RERE: variants seen among roughly 807,000 people sequenced by gnomAD.
RERE encodes arginine-glutamic acid dipeptide repeats protein.
Under a neutral mutation model 146.1 loss-of-function variants are expected in RERE, and 40 were observed. The observed-to-expected ratio is 0.27, with a 90% CI of 0.21 to 0.36. RERE has a LOEUF of 0.36. Ranked by LOEUF, RERE falls within the 10% of genes least tolerant of loss-of-function variation. The probability of loss-of-function intolerance (pLI) is 1.00; values close to 1 mark genes in which losing one functional copy is unlikely to be tolerated. For synonymous variants in RERE, 1,003 were observed against 866.0 expected, an observed-to-expected ratio of 1.16 and a Z score of -2.78; for missense variants, 1,933 against 2,138.7, an observed-to-expected ratio of 0.90 and a Z score of 1.90.
intron 12 of RERE, among the ~76,000 whole-genome samples, chr1:8,398,401 T>G (rs1643130917): frequency 6.6e-6 from 1 of 152,104 alleles, no homozygotes; most frequent in Admixed American, 6.5e-5. Flanking sequence ...GGGTTGGTTC[T>G]CACCATCTCC....
chr1:8,642,034 C>T (rs1448345103), intron 2 of RERE, among the ~76,000 whole-genome samples: 2 of 152,028 alleles, frequency 1.3e-5, no homozygotes, highest in African/African-American at 2.4e-5. Flanking sequence ...TCAAAAGTAT[C>T]GTATTAACAT....
chr1:8,533,918 T>C (rs1645690442), intron 7 of RERE, among the ~76,000 whole-genome samples: 1 of 152,266 alleles, frequency 6.6e-6, no homozygotes, highest in African/African-American at 2.4e-5. Context: ...TCCTGTTTTA[T>C]TAAAGTTATC....
intron 4 of RERE, among the ~76,000 whole-genome samples, chr1:8,601,511 G>C (rs1324304468): frequency 2.0e-5 from 3 of 151,976 alleles, no homozygotes; most frequent in African/African-American, 7.3e-5. Flanking sequence ...GAGAGTGGGA[G>C]GTGGGAGCAA....
intron 12 of RERE, among the ~76,000 whole-genome samples, chr1:8,386,899 A>G (rs1420941886): frequency 6.6e-6 from 1 of 152,218 alleles, no homozygotes; most frequent in Non-Finnish European, 1.5e-5. Flanking sequence ...GACTTCACAA[A>G]TAGAAAAAAG....
chr1:8,720,739 A>G lies in RERE; in HGVS notation c.-144-64298T>C, dbSNP rs539341205. Reference sequence around the variant, plus strand: ...ACATCCCAAAATACGTTACTTGTACATGAAACATCCAGGCTCCATTAAAAT... The same window carrying G: ...ACATCCCAAAATACGTTACTTGTACGTGAAACATCCAGGCTCCATTAAAAT... On this transcript the variant is annotated intron_variant, in intron 1 of 22. Transcript: ENST00000400908. Among the ~76,000 whole-genome samples the G allele has an allele frequency of 4.6e-5, 7 of 152,322 alleles. No individual in the cohort carries two copies. In the South Asian group the frequency reaches 1.5e-3, roughly 32 times the overall value.
rs192180539 is a variant in RERE at position 8,720,461 on chromosome 1, T to C, written c.-144-64020A>G. The stretch of plus-strand genomic sequence containing the variant: ...AGAAAAAAAAGTAGAGCAAGAAGGA[T>C]TAAACATATGCAGAGGGTAGGTACC... On this transcript the variant is annotated intron_variant, in intron 1 of 22. Transcript: ENST00000400908. Among the ~76,000 whole-genome samples, 22 of 151,470 alleles carry C rather than the reference T, an allele frequency of 1.5e-4. No individual in the cohort carries two copies. In the East Asian group the frequency reaches 4.1e-3, roughly 28 times the overall value.
chr1:8,798,666 TGAA>T (rs1253786793), intron 1 of RERE: 1 of 210,584 alleles, frequency 4.7e-6, no homozygotes, highest in Non-Finnish European at 1.0e-5. Context: ...AAGAAGAAGA[TGAA>T]GAAGAGTCAA....
At chr1:8,638,411 T>C (rs924949744) in intron 2 of RERE, among the ~76,000 whole-genome samples, 2 of 152,232 alleles carry the variant, frequency 1.3e-5, no homozygotes, top group African/African-American at 4.8e-5. Flanking sequence ...TTTGATGAAC[T>C]GGTAAAAATA....
chr1:8,432,108 A>G (rs926840761), intron 11 of RERE, among the ~76,000 whole-genome samples: 2 of 152,046 alleles, frequency 1.3e-5, no homozygotes, highest in Non-Finnish European at 2.9e-5. Context: ...GGCATTCTGT[A>G]TATTAATGTG....
intron 8 of RERE, among the ~76,000 whole-genome samples, chr1:8,498,758 CACACACACACATAT>C (rs1475913249): frequency 6.7e-6 from 1 of 149,456 alleles, no homozygotes; most frequent in African/African-American, 2.5e-5. Flanking sequence ...CACACACACA[CACACACACACATAT>C]GTAGTTGAAT....
intron 8 of RERE, among the ~76,000 whole-genome samples, chr1:8,504,722 G>A (rs1258122837): frequency 2.6e-5 from 4 of 151,990 alleles, no homozygotes; most frequent in African/African-American, 9.7e-5. Context: ...GTGTGGTGGC[G>A]GGCGCCTATA....
chr1:8,686,825 T>C (rs916353403), intron 1 of RERE, among the ~76,000 whole-genome samples: 1 of 151,818 alleles, frequency 6.6e-6, no homozygotes, highest in Non-Finnish European at 1.5e-5. Flanking sequence ...AAGGACAAAG[T>C]AGAGCCGAGA....
chr1:8,369,845 AGTGGCACGATCTCGGCTCAC>A lies in RERE; in HGVS notation c.1285-3891_1285-3872del, dbSNP rs1641964489. ...TGCTCTGTCTCCCAGGCTGGAGTGC[AGTGGCACGATCTCGGCTCAC>A]TGCAAGCTCCGCCTCCCGGGTTCAC... On this transcript the variant is annotated intron_variant, in intron 12 of 22. Transcript: ENST00000400908. Among the ~76,000 whole-genome samples, 3 of 152,248 alleles carry A rather than the reference AGTGGCACGATCTCGGCTCAC, an allele frequency of 2.0e-5. No individual in the cohort carries two copies. The South Asian group carries it at 6.2e-4, about 32-fold the overall frequency.
At chr1:8,807,245 G>A (rs1423240300) in intron 1 of RERE, among the ~76,000 whole-genome samples, 1 of 152,016 alleles carries the variant, frequency 6.6e-6, no homozygotes, top group Non-Finnish European at 1.5e-5. Context: ...CAGAGACGGG[G>A]GTCTTGTTAC....
intron 7 of RERE, chr1:8,512,012 C>CTTTTTTTT (rs1557666425): frequency 1.7e-5 from 1 of 57,336 alleles, no homozygotes; most frequent in Non-Finnish European, 3.8e-5. Context: ...GTAGGAAACA[C>CTTTTTTTT]TCTTTTTTTT....
chr1:8,481,986 G>C (rs1353332642), intron 10 of RERE, among the ~76,000 whole-genome samples: 1 of 152,152 alleles, frequency 6.6e-6, no homozygotes, highest in Non-Finnish European at 1.5e-5. Context: ...AGGCGAAGCA[G>C]ACCAGGAGGA....
At chr1:8,756,745 A>C (rs1350155548) in intron 1 of RERE, among the ~76,000 whole-genome samples, 1 of 152,174 alleles carries the variant, frequency 6.6e-6, no homozygotes, top group Non-Finnish European at 1.5e-5. Context: ...TTTGGCACTG[A>C]ATCTTGTTAG....
intron 10 of RERE, among the ~76,000 whole-genome samples, chr1:8,490,518 A>C (rs1278615143): frequency 6.7e-6 from 1 of 150,306 alleles, no homozygotes; most frequent in Non-Finnish European, 1.5e-5. Context: ...TATAATGGCC[A>C]AAAGCTTATA....
At position 8,358,428 on chromosome 1, in the gene RERE, C is replaced by G; in HGVS notation, c.4107G>C (p.Pro1369=). The G allele has an allele frequency of 2.5e-6, 4 of 1,593,728 alleles. No homozygotes were observed. The highest frequency in any genetic ancestry group is 3.4e-6 in the Non-Finnish European group (4 of 1,166,680). The change falls in exon 20 of 23, where the codon CCG becomes CCC. Residue 1369 remains proline (P), a synonymous_variant. Transcript: ENST00000400908. ...AGPHPFASFH[P]GLNPLERERL... ...TCTCCCTCTCCAAGGGGTTCAGGCC[C>G]GGGTGGAAAGAAGCAAAAGGGTGGG...
Sources: gnomAD v4.1 joint callset for allele counts (sites outside exome capture counted in the v4.1 genomes callset) on GRCh38, gnomAD v4.1.1 for gene constraint, MANE v1.5 for transcripts, NCBI Gene and HGNC (gene_info 2026-07-23, HGNC 2026-07-21) for gene names.